CCDC18: variants seen among roughly 807,000 people sequenced by gnomAD.
CCDC18 encodes the protein coiled-coil domain-containing protein 18.
Under a neutral mutation model 196.0 loss-of-function variants are expected in CCDC18, and 157 were observed. The ratio of observed to expected loss-of-function variants is 0.80; its 90% confidence interval spans 0.70 to 0.91. The LOEUF is 0.91. CCDC18 is among the 40% of genes least tolerant of loss of function. The pLI is 0.00. For synonymous variants in CCDC18, 482 were observed against 529.2 expected (o/e 0.91, Z 1.22); for missense variants, 1,465 against 1,611.6 (o/e 0.91, Z 1.56).
intron 27 of CCDC18, among the ~76,000 whole-genome samples, chr1:93,267,098 A>G (rs1312235227): frequency 6.6e-6 from 1 of 152,112 alleles, no homozygotes. Flanking sequence ...TATCCACCAC[A>G]ATTAAGTTGG....
At chr1:93,224,930 C>G (rs1013658719) in intron 16 of CCDC18, among the ~76,000 whole-genome samples, 6 of 152,084 alleles carry the variant, frequency 3.9e-5, no homozygotes, top group African/African-American at 1.4e-4. Context: ...TTTCATAAAA[C>G]AAATGTTAAT....
chr1:93,184,249 T>A (rs1173800233), intron 3 of CCDC18, 103 bp downstream of exon 3: 13 of 436,892 alleles, frequency 3.0e-5, no homozygotes, highest in East Asian at 1.3e-4. Flanking sequence ...AAGAAAAAAA[T>A]TTTTTCTTTA....
At chr1:93,244,089 G>A (rs187517730) in intron 21 of CCDC18, among the ~76,000 whole-genome samples, 30 of 152,284 alleles carry the variant, frequency 2.0e-4, no homozygotes, top group Admixed American at 3.9e-4. Flanking sequence ...AAAAGAAAGA[G>A]GTTTAATGGA....
At chr1:93,180,113 G>A, upstream of CCDC18, 1 of 1,613,794 alleles carries the variant, frequency 6.2e-7, no homozygotes, top group Non-Finnish European at 8.5e-7. Context: ...CACTCCTTCT[G>A]GCCGGCGGGA....
At chr1:93,189,500 C>A (rs1341360112) in intron 4 of CCDC18, among the ~76,000 whole-genome samples, 1 of 152,162 alleles carries the variant, frequency 6.6e-6, no homozygotes, top group Non-Finnish European at 1.5e-5. Context: ...AGTGGAATTT[C>A]TGGATCATAT....
At chr1:93,234,973 G>GTGTGTGTGTGTGTGTGTGTGTGTGTGT (rs1557668666) in intron 18 of CCDC18, among the ~76,000 whole-genome samples, 1 of 146,208 alleles carries the variant, frequency 6.8e-6, no homozygotes, top group East Asian at 2.0e-4. Flanking sequence ...GTGTGTGTGT[G>GTGTGTGTGTGTGTGTGTGTGTGTGTGT]GCTTTTCTTT....
At position 93,210,933 on chromosome 1, in the gene CCDC18, T is replaced by A; in HGVS notation, c.1334+7T>A. 6.2e-7 allele frequency: 1 copy of A among 1,613,284 alleles called. No homozygotes were observed. Among genetic ancestry groups the A allele is most frequent in the South Asian group, 1.1e-5 (1 of 90,976 alleles). ...TGGTGATTTCGGAATTGAGGTACAATTTTCAGATTCTGCAGTTATAGCAAA... is the reference window on the plus strand; with the variant it reads ...TGGTGATTTCGGAATTGAGGTACAAATTTCAGATTCTGCAGTTATAGCAAA... On this transcript the variant is annotated splice_region_variant and intron_variant, in intron 10 of 28. Coordinates refer to ENST00000690025, the MANE Select transcript of CCDC18 (RefSeq NM_001378204.1).
At chr1:93,204,997 T>C (rs1186161586) in intron 7 of CCDC18, among the ~76,000 whole-genome samples, 5 of 152,072 alleles carry the variant, frequency 3.3e-5, no homozygotes, top group African/African-American at 7.2e-5. Context: ...TTTGTTTTTT[T>C]ACACTTAGGA....
At chr1:93,242,845 A>G (rs965713653) in intron 21 of CCDC18, among the ~76,000 whole-genome samples, 2 of 152,224 alleles carry the variant, frequency 1.3e-5, no homozygotes, top group Non-Finnish European at 1.5e-5. Flanking sequence ...AAAATGATCT[A>G]TTTTGACTCC....
At chr1:93,262,373 AAAAC>A (rs2101239823) in intron 26 of CCDC18, 1 of 149,632 alleles carries the variant, frequency 6.7e-6, no homozygotes, top group African/African-American at 2.4e-5. Context: ...TATAAAATAA[AAAAC>A]AAGTTAGTTA....
At chr1:93,202,509 C>T (rs1172316380) in intron 7 of CCDC18, among the ~76,000 whole-genome samples, 1 of 151,946 alleles carries the variant, frequency 6.6e-6, no homozygotes, top group Non-Finnish European at 1.5e-5. Context: ...TGGAGGAACA[C>T]CACAGTTGGA....
intron 24 of CCDC18, 71 bp from the exon 25 acceptor site, chr1:93,256,264 C>A: frequency 7.2e-7 from 1 of 1,396,964 alleles, no homozygotes; most frequent in Non-Finnish European, 9.9e-7. Context: ...ACGTATTAAG[C>A]AAAATCAGAA....
chr1:93,242,840 G>T (rs1018066842), intron 21 of CCDC18, among the ~76,000 whole-genome samples: 8 of 152,222 alleles, frequency 5.3e-5, no homozygotes, highest in Non-Finnish European at 1.2e-4. Flanking sequence ...GCTCCAAAAT[G>T]ATCTATTTTG....
chr1:93,210,141 G>A lies in CCDC18; in HGVS notation c.1210-661G>A, dbSNP rs114388327. On this transcript the variant is annotated intron_variant, in intron 9 of 28. Coordinates refer to ENST00000690025, the MANE Select transcript of CCDC18 (RefSeq NM_001378204.1). ...TTTCTTGTAGTGCTAAGAATGACAC[G>A]ATTAGAAAATGTGATTTTTTTCTAC... is the stretch of plus-strand genomic sequence containing the variant. 8.5e-3 allele frequency among the ~76,000 whole-genome samples: 1,293 copies of A among 152,276 alleles called. 8 individuals are homozygous for A. Among genetic ancestry groups the A allele is most frequent in the Admixed American group, 0.012 (191 of 15,294 alleles).
intron 23 of CCDC18, among the ~76,000 whole-genome samples, 187 bp downstream of exon 23, chr1:93,247,141 G>T (rs370683217): frequency 1.3e-5 from 2 of 151,314 alleles, no homozygotes; most frequent in Non-Finnish European, 2.9e-5. Flanking sequence ...CCTCACTGCA[G>T]CCTCGAGTTC....
intron 11 of CCDC18, 96 bp downstream of exon 11, chr1:93,212,357 A>C: frequency 1.4e-6 from 1 of 723,770 alleles, no homozygotes; most frequent in East Asian, 3.3e-5. Context: ...TTTTTAATTT[A>C]AGTTCAGGGA....
At chr1:93,230,673 T>C (rs1457838317) in intron 17 of CCDC18, among the ~76,000 whole-genome samples, 1 of 150,900 alleles carries the variant, frequency 6.6e-6, no homozygotes, top group East Asian at 2.0e-4. Context: ...TTTGTTGTTA[T>C]TATGTGGTAA....
At chr1:93,231,200 T>C (rs1031554839) in intron 17 of CCDC18, among the ~76,000 whole-genome samples, 2 of 152,236 alleles carry the variant, frequency 1.3e-5, no homozygotes, top group African/African-American at 4.8e-5. Flanking sequence ...ATAAGGAGTT[T>C]AAATTTCCTT....
In CCDC18 at chr1:93,180,794, C is replaced by A. The variant is rs758022933; in HGVS notation, c.-61C>A. The A allele has an allele frequency of 5.8e-6, 8 of 1,367,724 alleles. No individual in the cohort carries two copies. The highest frequency in any genetic ancestry group is 1.9e-5 in the Admixed American group (1 of 52,590). The allele number at this position is 1,367,724 out of a possible 1,614,324, so 84.7% of individuals were successfully genotyped here. A position where few individuals can be genotyped will look rare whatever the true frequency, so the allele number is the denominator to read the frequency against. On this transcript the variant is annotated 5_prime_UTR_variant, in exon 1 of 29. Coordinates refer to ENST00000690025, the MANE Select transcript of CCDC18 (RefSeq NM_001378204.1). ...GTCCGAGGCTTCCACGCGCAGGGGCCCGGGAAAGGGTCAGAGGCTTCCTAA... is the reference window on the plus strand; with the variant it reads ...GTCCGAGGCTTCCACGCGCAGGGGCACGGGAAAGGGTCAGAGGCTTCCTAA...
Sources: allele counts gnomAD v4.1 joint callset (sites outside exome capture counted in the v4.1 genomes callset), GRCh38; gene constraint gnomAD v4.1.1; transcripts MANE v1.5; gene names NCBI Gene and HGNC (gene_info 2026-07-23, HGNC 2026-07-21).